Variants in VARS2 observed in about 807,000 individuals in gnomAD.
VARS2 encodes the protein valine--tRNA ligase, mitochondrial.
A neutral mutation model predicts 154.1 loss-of-function variants in VARS2; 105 were observed. That is an observed-to-expected ratio of 0.68 (90% CI 0.58 to 0.80). VARS2 has a LOEUF of 0.80. Ranked by LOEUF, VARS2 falls within the 30% of genes least tolerant of loss-of-function variation. The pLI is 0.00. For missense variants in VARS2, 1,157 were observed against 1,361.4 expected (o/e 0.85, Z 2.36); for synonymous variants, 483 against 539.5 (o/e 0.90, Z 1.45).
Position 30,925,542 on chromosome 6 carries a change from A to G in VARS2, c.2786-2A>G. ...TGCCCCTGACAGTTTCTTTCTTTCC[A>G]GTGCTGCTGCAGAGCTCAGAGCCTG... On this transcript the variant is annotated splice_acceptor_variant, in intron 27 of 29. Transcript: ENST00000676266. LOFTEE classifies it high-confidence loss of function. The G allele has an allele frequency of 6.3e-7, 1 of 1,575,736 alleles. No individual in the cohort carries two copies. The highest frequency in any genetic ancestry group is 8.6e-7 in the Non-Finnish European group (1 of 1,165,008).
rs1403232302 is a variant in VARS2, at chr6:30,920,560, C to T, written c.1398-108C>T. On this transcript the variant is annotated intron_variant, in intron 14 of 29. Coordinates refer to ENST00000676266, the MANE Select transcript of VARS2 (RefSeq NM_020442.6). This position sits in a 1 kb window ranked among gnomAD's most constrained non-coding sequence, Gnocchi z 4.6. ...ATACGAGCTCCGTGTCGGTTTTATT[C>T]GCTATTGTATCCTCAGTACCAAGGG... 12 of 1,347,620 alleles carry T rather than the reference C, an allele frequency of 8.9e-6. No homozygotes were observed. Among genetic ancestry groups the T allele is most frequent in the Non-Finnish European group, 1.1e-5 (11 of 995,530 alleles). The allele number at this position is 1,347,620 out of a possible 1,614,324, so 83.5% of individuals were successfully genotyped here.
intron 27 of VARS2, 21 bp from the exon 28 acceptor site, chr6:30,925,523 T>A: frequency 6.4e-7 from 1 of 1,563,890 alleles, no homozygotes; most frequent in Non-Finnish European, 8.6e-7. Flanking sequence ...GCCTTGCCCC[T>A]GACAGTTTCT....
At chr6:30,915,306 G>A (rs1271509030) in intron 3 of VARS2, 49 bp from the exon 4 acceptor site, 1 of 1,612,928 alleles carries the variant, frequency 6.2e-7, no homozygotes, top group Non-Finnish European at 8.5e-7. Context: ...CCGAAATGCA[G>A]CCTGGGAACA....
At position 30,921,650 on chromosome 6, in the gene VARS2, A is replaced by G; in HGVS notation, c.1694A>G (p.Glu565Gly). Residue 565 changes from glutamate (E) to glycine (G), a missense_variant, in exon 18 of 30, where the codon GAA becomes GGA. By Grantham distance (98) the Glu-to-Gly change is moderately conservative (BLOSUM62 -2). Coordinates refer to ENST00000676266, the MANE Select transcript of VARS2 (RefSeq NM_020442.6). The surrounding 1 kb of genome is among the most constrained non-coding windows in gnomAD (Gnocchi z 4.6). ...SEAEAREVAA[E>G]LTGRPGAELT... is the part of the protein sequence containing the mutation. Reference sequence around the variant, plus strand: ...GCTGAGGCCAGAGAGGTAGCAGCGGAACTGACAGGGAGGCCAGGGGCAGAG... The same window carrying G: ...GCTGAGGCCAGAGAGGTAGCAGCGGGACTGACAGGGAGGCCAGGGGCAGAG... The G allele has an allele frequency of 6.2e-7, 1 of 1,609,204 alleles. No homozygotes were observed. Among genetic ancestry groups the G allele is most frequent in the Non-Finnish European group, 8.5e-7 (1 of 1,179,022 alleles).
At position 30,917,927 on chromosome 6, in the gene VARS2, C is replaced by T; in HGVS notation, c.985+121C>T. The T allele has an allele frequency of 9.7e-7, 1 of 1,031,064 alleles. No homozygotes were observed. The highest frequency in any genetic ancestry group is 1.4e-6 in the Non-Finnish European group (1 of 694,924). 63.9% of individuals were successfully genotyped at this position (1,031,064 alleles called of 1,614,324 possible). On this transcript the variant is annotated intron_variant, in intron 10 of 29. Coordinates refer to ENST00000676266, the MANE Select transcript of VARS2 (RefSeq NM_020442.6). This position sits in a 1 kb window ranked among gnomAD's most constrained non-coding sequence, Gnocchi z 4.4. ...TCACATGTACCTTGGTAGTGTTCAC[C>T]TCAGCGTGGGCACTTACCCAGGGTC...
chr6:30,916,464 G>A lies in VARS2; in HGVS notation c.671+215G>A. On this transcript the variant is annotated intron_variant, in intron 7 of 29. Transcript: ENST00000676266. This position sits in a 1 kb window ranked among gnomAD's most constrained non-coding sequence, Gnocchi z 4.0. ...TGCATTAGAATATTCGTGTGTGTGT[G>A]TGTGTGTGTGTGTATTTATATATAT... The A allele has an allele frequency of 2.6e-6, 1 of 384,176 alleles. No homozygotes were observed. The highest frequency in any genetic ancestry group is 4.4e-6 in the Non-Finnish European group (1 of 228,042). 23.8% of individuals were successfully genotyped at this position (384,176 alleles called of 1,614,324 possible).
chr6:30,918,970 C>T (rs1374199437), intron 11 of VARS2, 55 bp downstream of exon 11: 1 of 1,522,756 alleles, frequency 6.6e-7, no homozygotes, highest in East Asian at 2.3e-5. Flanking sequence ...GCCTTCTCTT[C>T]TCTTGGGTTT....
chr6:30,921,888 A>C lies in VARS2; in HGVS notation c.1736-37A>C, dbSNP rs746903700. On this transcript the variant is annotated intron_variant, in intron 18 of 29. Transcript: ENST00000676266. This position sits in a 1 kb window ranked among gnomAD's most constrained non-coding sequence, Gnocchi z 4.6. Reference sequence around the variant, plus strand: ...CAGTGGTCTGAGGTCCTAGAAGCCAAGGTTCCAACTGTCCCCATTCTTTTT... The same window carrying C: ...CAGTGGTCTGAGGTCCTAGAAGCCACGGTTCCAACTGTCCCCATTCTTTTT... 142 of 1,611,954 alleles carry C rather than the reference A, an allele frequency of 8.8e-5. No homozygotes were observed. The highest frequency in any genetic ancestry group is 1.1e-4 in the Non-Finnish European group (134 of 1,179,294).
Position 30,914,349 on chromosome 6 carries a change from G to T in VARS2, c.-28+5G>T. ...GGATAGCGGCGGGGCCTCCTGGTGA[G>T]CGCGCGCCGGGGCGGCCTCCGGGAA... On this transcript the variant is annotated splice_donor_5th_base_variant and intron_variant, in intron 1 of 29. Transcript: ENST00000676266. 8.1e-7 allele frequency: 1 copy of T among 1,241,524 alleles called. No individual in the cohort carries two copies. The highest frequency in any genetic ancestry group is 1.6e-5 in the African/African-American group (1 of 64,446). The allele number at this position is 1,241,524 out of a possible 1,614,324, so 76.9% of individuals were successfully genotyped here.
Position 30,924,552 on chromosome 6 carries a change from TG to T in VARS2, c.2666del (p.Cys889SerfsTer25). ...CTCGGTTGCCCCCTACCCCAGCGCC[TG>T]CAGCTTGGTGAGTCCCAAGCACCTT... ...SISVAPYPSA[C>X]SLEHWRQPEL... On this transcript the variant is annotated frameshift_variant, in exon 26 of 30. Transcript: ENST00000676266. LOFTEE classifies it high-confidence loss of function. 1 of 1,523,942 alleles carries T rather than the reference TG, an allele frequency of 6.6e-7. No individual in the cohort carries two copies. The highest frequency in any genetic ancestry group is 8.9e-7 in the Non-Finnish European group (1 of 1,129,020). The allele number at this position is 1,523,942 out of a possible 1,614,324, so 94.4% of individuals were successfully genotyped here. A position where few individuals can be genotyped will look rare whatever the true frequency, so the allele number is the denominator to read the frequency against.
chr6:30,922,116 A>G lies in VARS2; in HGVS notation c.1807A>G (p.Thr603Ala), dbSNP rs1026216295. 2 of 1,611,540 alleles carry G rather than the reference A, an allele frequency of 1.2e-6. No individual in the cohort carries two copies. Among genetic ancestry groups the G allele is most frequent in the Non-Finnish European group, 1.7e-6 (2 of 1,179,722 alleles). ...PFSALGWPQE[T>A]PDLARFYPLS... The stretch of plus-strand genomic sequence containing the variant: ...CTCTTACTGCTCCTCTTCCCCCTAG[A>G]CCCCAGACCTTGCTCGTTTCTACCC... Residue 603 changes from threonine to alanine, a missense_variant and splice_region_variant, in exon 20 of 30, where the codon ACC becomes GCC. Physicochemically the swap from Thr to Ala is moderately conservative, Grantham distance 58 (BLOSUM62 0). Transcript: ENST00000676266.
rs763181470 is a variant in VARS2, at chr6:30,921,716, T to C, written c.1735+25T>C. ...GGTGAGTGCCTGAGCTGGGGAGGGA[T>C]GTACAGGGGAGCGGGGGCCTGGGCA... On this transcript the variant is annotated intron_variant, in intron 18 of 29. Transcript: ENST00000676266. This position sits in a 1 kb window ranked among gnomAD's most constrained non-coding sequence, Gnocchi z 4.6. 34 of 1,583,120 alleles carry C rather than the reference T, an allele frequency of 2.1e-5. No individual in the cohort carries two copies. The Admixed American group carries it at 5.7e-4, about 27-fold the overall frequency.
At chr6:30,915,605 T>TGGCCAATTCCCTCC (rs1343593618) in intron 4 of VARS2, 141 bp from the exon 5 acceptor site, 1 of 1,480,660 alleles carries the variant, frequency 6.8e-7, no homozygotes, top group African/African-American at 1.4e-5. Context: ...AGGTTCCCCC[T>TGGCCAATTCCCTCC]GGCCAATTCC....
At chr6:30,914,414 G>A in intron 1 of VARS2, 70 bp downstream of exon 1, 1 of 1,271,186 alleles carries the variant, frequency 7.9e-7, no homozygotes, top group Non-Finnish European at 9.9e-7. Context: ...GCCTTGGGAT[G>A]GGCGGGAAGG....
At position 30,918,817 on chromosome 6, in the gene VARS2, T is replaced by C. The variant is rs758983053; in HGVS notation, c.986-10T>C. ...TGACCAGCTGTAAGTGTTTAAATGT[T>C]TATCTTCAGATGCAGAGGTTGTGGT... On this transcript the variant is annotated splice_polypyrimidine_tract_variant and intron_variant, in intron 10 of 29. Coordinates refer to ENST00000676266, the MANE Select transcript of VARS2 (RefSeq NM_020442.6). 1.1e-5 allele frequency: 18 copies of C among 1,612,710 alleles called. No homozygotes were observed. In the Admixed American group the frequency reaches 3.0e-4, roughly 27 times the overall value.
In VARS2 at chr6:30,925,369, C is replaced by G. The variant is rs1193197773; in HGVS notation, c.2769C>G (p.Thr923=). Residue 923 remains threonine, a synonymous_variant, in exon 27 of 30, where the codon ACC becomes ACG. Coordinates refer to ENST00000676266, the MANE Select transcript of VARS2 (RefSeq NM_020442.6). ...CTCTCCGAGCCACGTACCAGCTCACCAAAGCCCGGCCCCGAGGTGAGGCAA... is the reference window on the plus strand; with the variant it reads ...CTCTCCGAGCCACGTACCAGCTCACGAAAGCCCGGCCCCGAGGTGAGGCAA... ...LRALRATYQL[T]KARPRVLLQS... 2 of 1,610,874 alleles carry G rather than the reference C, an allele frequency of 1.2e-6. No homozygotes were observed. The highest frequency in any genetic ancestry group is 1.7e-5 in the Admixed American group (1 of 59,770).
At position 30,924,410 on chromosome 6, in the gene VARS2, C is replaced by T; in HGVS notation, c.2523C>T (p.Val841=). 2 of 1,612,892 alleles carry T rather than the reference C, an allele frequency of 1.2e-6. No individual in the cohort carries two copies. Among genetic ancestry groups the T allele is most frequent in the African/African-American group, 1.3e-5 (1 of 75,058 alleles). ...HSPRPLGPPQ[V]LFSCADLGLR... ...CCCGCCCCCTGGGGCCCCCTCAGGTCCTGTTCTCCTGCGCTGACCTCGGCC... is the reference window on the plus strand; with the variant it reads ...CCCGCCCCCTGGGGCCCCCTCAGGTTCTGTTCTCCTGCGCTGACCTCGGCC... Residue 841 remains valine (V), a synonymous_variant, in exon 26 of 30, where the codon GTC becomes GTT. Transcript: ENST00000676266.
rs528228333 is a variant in VARS2 at position 30,925,563 on chromosome 6, G to T, written c.2805G>T (p.Glu935Asp). 8.8e-6 allele frequency: 14 copies of T among 1,596,018 alleles called. No individual in the cohort carries two copies. In the East Asian group the frequency reaches 2.2e-4, roughly 25 times the overall value. Residue 935 changes from glutamate (E) to aspartate (D), a missense_variant, in exon 28 of 30, where the codon GAG becomes GAT. By Grantham distance (45) the Glu-to-Asp change is conservative (BLOSUM62 2). Coordinates refer to ENST00000676266, the MANE Select transcript of VARS2 (RefSeq NM_020442.6). The stretch of plus-strand genomic sequence containing the variant: ...TTCCAGTGCTGCTGCAGAGCTCAGA[G>T]CCTGGGGACCAGGGCCTCTTCGAGG... ...ARPRVLLQSSEPGDQGLFEAF... is the reference protein window; with the variant it reads ...ARPRVLLQSSDPGDQGLFEAF...
At position 30,920,401 on chromosome 6, in the gene VARS2, C is replaced by T; in HGVS notation, c.1362C>T (p.Gly454=). The change falls in exon 14 of 30, where the codon GGC becomes GGT. Residue 454 remains glycine, a synonymous_variant. Coordinates refer to ENST00000676266, the MANE Select transcript of VARS2 (RefSeq NM_020442.6). The surrounding 1 kb of genome is among the most constrained non-coding windows in gnomAD (Gnocchi z 4.6). The part of the protein sequence containing the change: ...SVLSEWGLFR[G]LQNHPMVLPI... ...TGAGTGAATGGGGCCTGTTCCGGGG[C>T]CTCCAGAACCACCCCATGGTACTGC... is the stretch of plus-strand genomic sequence containing the variant. The T allele has an allele frequency of 3.1e-6, 5 of 1,612,608 alleles. No homozygotes were observed. The highest frequency in any genetic ancestry group is 3.4e-6 in the Non-Finnish European group (4 of 1,179,420).
Sources: gnomAD v4.1 joint callset for allele counts on GRCh38, gnomAD v4.1.1 for gene constraint, Gnocchi (gnomAD v3.1) non-coding constraint, MANE v1.5 for transcripts, NCBI Gene and HGNC (gene_info 2026-07-23, HGNC 2026-07-21) for gene names.